Variants in ANK3 observed in about 807,000 individuals in gnomAD.
ANK3 encodes ankyrin 3.
A neutral mutation model predicts 370.9 loss-of-function variants in ANK3; 57 were observed. The ratio of observed to expected loss-of-function variants is 0.15; its 90% confidence interval spans 0.12 to 0.19. The LOEUF is 0.19. Among genes scored for constraint, ANK3 ranks in the 10% least tolerant of loss-of-function variants. The pLI is 1.00. For synonymous variants in ANK3, 1,929 were observed against 1,946.3 expected (o/e 0.99, Z 0.23); for missense variants, 4,439 against 5,302.1 (o/e 0.84, Z 5.06).
At chr10:60,677,174 C>T (rs2079136280) in intron 1 of ANK3, among the ~76,000 whole-genome samples, 1 of 152,142 alleles carries the variant, frequency 6.6e-6, no homozygotes, top group Admixed American at 6.6e-5. Context: ...AGAGAAAGTA[C>T]AACAGCAATG....
intron 43 of ANK3, among the ~76,000 whole-genome samples, chr10:60,033,642 A>G (rs1249900387): frequency 6.6e-6 from 1 of 152,046 alleles, no homozygotes; most frequent in Non-Finnish European, 1.5e-5. Flanking sequence ...GCTCTGGTAC[A>G]GAACTGACTT....
chr10:60,617,009 T>C (rs2078276747), intron 1 of ANK3, among the ~76,000 whole-genome samples: 1 of 152,148 alleles, frequency 6.6e-6, no homozygotes, highest in African/African-American at 2.4e-5. Flanking sequence ...ACTCAGGATG[T>C]TTGTGGGTTT....
intron 2 of ANK3, chr10:60,572,725 C>T (rs928524966): frequency 7.3e-7 from 1 of 1,370,308 alleles, no homozygotes; most frequent in African/African-American, 1.5e-5. Context: ...GTTCAGCTTT[C>T]CTCAGGAAGA....
intron 2 of ANK3, among the ~76,000 whole-genome samples, chr10:60,428,324 C>T (rs543255529): frequency 1.9e-4 from 29 of 152,236 alleles, no homozygotes; most frequent in African/African-American, 6.0e-4. Context: ...TGTGCTCATC[C>T]TTCCTTTGAA....
At chr10:60,140,787 A>C in intron 23 of ANK3, 1 of 1,019,272 alleles carries the variant, frequency 9.8e-7, no homozygotes, top group Non-Finnish European at 1.2e-6. Context: ...GCTCCGGTGT[A>C]GACTTTCGGT....
rs550567607 is a variant in ANK3 at position 60,461,681 on chromosome 10, A to G, written c.96+153505T>C. 7.0e-4 allele frequency among the ~76,000 whole-genome samples: 106 copies of G among 152,310 alleles called. 1 individual carries two copies. Among genetic ancestry groups the G allele is most frequent in the African/African-American group, 2.5e-3 (103 of 41,580 alleles). On this transcript the variant is annotated intron_variant, in intron 2 of 43. Coordinates refer to the ANK3 transcript ENST00000373827. ...CTTGAGGACAAGTTAATAACAAGAC[A>G]ATATAACTATTATTTGAACGGCTTA...
chr10:60,333,917 C>T (rs1359220699), intron 1 of ANK3, among the ~76,000 whole-genome samples: 1 of 152,126 alleles, frequency 6.6e-6, no homozygotes, highest in Non-Finnish European at 1.5e-5. Context: ...TATTCTGAAC[C>T]TGGGATACTA....
At chr10:60,196,419 G>A (rs915125341) in intron 15 of ANK3, 108 bp downstream of exon 15, 1 of 930,884 alleles carries the variant, frequency 1.1e-6, no homozygotes. Context: ...CATCCTAGTG[G>A]GACTTAAATA....
chr10:60,646,492 C>T (rs144804705), intron 1 of ANK3, among the ~76,000 whole-genome samples: 42 of 152,240 alleles, frequency 2.8e-4, no homozygotes, highest in Non-Finnish European at 5.7e-4. Flanking sequence ...AGGAGGACAG[C>T]TTGAGGCCCG....
chr10:60,549,973 C>A (rs1035810608), intron 2 of ANK3, among the ~76,000 whole-genome samples: 3 of 152,034 alleles, frequency 2.0e-5, no homozygotes, highest in Admixed American at 2.0e-4. Flanking sequence ...CATGGAATGC[C>A]TTCAAAGAAA....
Position 60,422,935 on chromosome 10 carries a change from C to T in ANK3, c.97-143296G>A, listed in dbSNP as rs1324077573. 8.5e-5 allele frequency among the ~76,000 whole-genome samples: 13 copies of T among 152,100 alleles called. No homozygotes were observed. The South Asian group carries it at 2.5e-3, about 29-fold the overall frequency. On this transcript the variant is annotated intron_variant, in intron 2 of 43. Transcript: ENST00000373827. ...ACCAAATCGGAATACATGCTTTCCACGGCATTTCACAATGAGGCACTATTG... is the reference window on the plus strand; with the variant it reads ...ACCAAATCGGAATACATGCTTTCCATGGCATTTCACAATGAGGCACTATTG...
chr10:60,266,250 A>G (rs1360073260), intron 5 of ANK3, among the ~76,000 whole-genome samples: 2 of 152,204 alleles, frequency 1.3e-5, no homozygotes, highest in African/African-American at 4.8e-5. Context: ...GTCAATGTAA[A>G]TATATATTTT....
chr10:60,262,515 CAT>C (rs1233779356), intron 6 of ANK3, among the ~76,000 whole-genome samples: 3 of 152,158 alleles, frequency 2.0e-5, no homozygotes, highest in Admixed American at 6.5e-5. Context: ...TTCAATAACA[CAT>C]GTTTTTGGAT....
intron 2 of ANK3, among the ~76,000 whole-genome samples, chr10:60,432,267 C>T (rs1314023196): frequency 1.3e-5 from 2 of 152,130 alleles, no homozygotes; most frequent in Non-Finnish European, 2.9e-5. Context: ...TCTTTCTTTT[C>T]TTTTCTTCCT....
At chr10:60,420,683 T>C (rs1162745412) in intron 2 of ANK3, among the ~76,000 whole-genome samples, 3 of 152,082 alleles carry the variant, frequency 2.0e-5, no homozygotes, top group Non-Finnish European at 4.4e-5. Flanking sequence ...GTCCCCTAAA[T>C]GAACAGTGTT....
At chr10:60,137,274 A>G (rs1422763632) in intron 24 of ANK3, 2 of 312,072 alleles carry the variant, frequency 6.4e-6, no homozygotes, top group Non-Finnish European at 1.3e-5. Context: ...AATGCTAAAG[A>G]AAATAAAAAT....
Position 60,070,159 on chromosome 10 carries a change from G to T in ANK3, c.10722C>A (p.Arg3574=). 1 of 1,614,150 alleles carries T rather than the reference G, an allele frequency of 6.2e-7. No individual in the cohort carries two copies. Among genetic ancestry groups the T allele is most frequent in the South Asian group, 1.1e-5 (1 of 91,088 alleles). ...TTGTATCAGGGGTTGTTGCTGGAGA[G>T]CGGTCTTCTACCGCCAGCCCAAATG... ...TKPFGLAVED[R]SPATTPDTTP... The change falls in exon 37 of 44, where the codon CGC becomes CGA. Residue 3574 remains arginine, a synonymous_variant. Transcript: ENST00000280772. This position sits in a 1 kb window ranked among gnomAD's most constrained non-coding sequence, Gnocchi z 5.7.
At chr10:60,320,360 T>A (rs146887609) in intron 1 of ANK3, among the ~76,000 whole-genome samples, 99 of 152,286 alleles carry the variant, frequency 6.5e-4, no homozygotes, top group African/African-American at 2.3e-3. Context: ...TTGGGAGGCC[T>A]AGGCAGGTGA....
chr10:60,674,135 A>G (rs2079096104), intron 1 of ANK3, among the ~76,000 whole-genome samples: 1 of 152,162 alleles, frequency 6.6e-6, no homozygotes, highest in African/African-American at 2.4e-5. Flanking sequence ...AAAAAGTTAA[A>G]TATTGTGTCT....
Sources: gnomAD v4.1 joint callset for allele counts (sites outside exome capture counted in the v4.1 genomes callset) on GRCh38, gnomAD v4.1.1 for gene constraint, Gnocchi (gnomAD v3.1) non-coding constraint, MANE v1.5 for transcripts, NCBI Gene and HGNC (gene_info 2026-07-23, HGNC 2026-07-21) for gene names.